TRIM49: variants seen among roughly 807,000 people sequenced by gnomAD.
TRIM49 encodes tripartite motif-containing protein 49.
TRIM49 carries 5 observed loss-of-function variants against 27.4 expected under a neutral mutation model. The observed-to-expected ratio is 0.18, with a 90% CI of 0.10 to 0.38. The LOEUF is 0.38. Among genes scored for constraint, TRIM49 ranks in the 10% least tolerant of loss-of-function variants. TRIM49 has a pLI of 1.00. For missense variants in TRIM49, 188 were observed against 487.5 expected, an observed-to-expected ratio of 0.39 and a Z score of 5.79; for synonymous variants, 69 against 166.0, an observed-to-expected ratio of 0.42 and a Z score of 4.49.
chr11:89,803,731 C>G lies in TRIM49; in HGVS notation c.474G>C (p.Leu158=). Residue 158 remains leucine, a synonymous_variant, in exon 4 of 8, where the codon CTG becomes CTC. Coordinates refer to ENST00000329758, the MANE Select transcript of TRIM49 (RefSeq NM_020358.2). ...ATCTGGTTCTGGTGGTTTCCACATTCAGGTTTCTGTGATTTTCACAAGCTT... is the reference window on the plus strand; with the variant it reads ...ATCTGGTTCTGGTGGTTTCCACATTGAGGTTTCTGTGATTTTCACAAGCTT... ...WEKACENHRN[L]NVETTRTRCW... is the part of the protein sequence containing the mutation. 1 of 1,407,056 alleles carries G rather than the reference C, an allele frequency of 7.1e-7. No homozygotes were observed. Among genetic ancestry groups the G allele is most frequent in the South Asian group, 1.4e-5 (1 of 72,884 alleles). The allele number at this position is 1,407,056 out of a possible 1,614,324, so 87.2% of individuals were successfully genotyped here. A position where few individuals can be genotyped will look rare whatever the true frequency, so the allele number is the denominator to read the frequency against.
chr11:89,802,345 A>T (rs1238291644), intron 4 of TRIM49, among the ~76,000 whole-genome samples: 1 of 150,562 alleles, frequency 6.6e-6, no homozygotes, highest in Admixed American at 6.6e-5. Flanking sequence ...TTAGACTAGC[A>T]TGTCCAGCTA....
chr11:89,803,935 A>G, intron 3 of TRIM49, 124 bp downstream of exon 3: 1 of 1,562,564 alleles, frequency 6.4e-7, no homozygotes. Flanking sequence ...GTTGGAAGCT[A>G]AGAAAGCCCA....
downstream of TRIM49, among the ~76,000 whole-genome samples, chr11:89,795,799 T>C (rs1949683645): frequency 6.7e-6 from 1 of 149,714 alleles, no homozygotes; most frequent in South Asian, 2.1e-4. Context: ...GAGGAGTTAA[T>C]GGGTGCAGCA....
At chr11:89,782,032 C>T in the TRIM49 span, 60 of 1,524,892 alleles carry the variant, frequency 3.9e-5, 7 homozygotes, top group African/African-American at 6.1e-5. Flanking sequence ...CACAAGCATT[C>T]ACCTCCGGCA....
chr11:89,774,636 C>G, the TRIM49 span, among the ~76,000 whole-genome samples: 1 of 140,092 alleles, frequency 7.1e-6, no homozygotes, highest in Non-Finnish European at 1.5e-5. Context: ...TTCATAGTAG[C>G]CTTGTGAGTA....
At position 89,803,928 on chromosome 11, in the gene TRIM49, G is replaced by T. The variant is rs1949761274; in HGVS notation, c.411+131C>A. The T allele has an allele frequency of 2.0e-6, 3 of 1,468,214 alleles. No homozygotes were observed. The Admixed American group carries it at 5.8e-5, about 29-fold the overall frequency. The allele number at this position is 1,468,214 out of a possible 1,614,324, so 90.9% of individuals were successfully genotyped here. On this transcript the variant is annotated intron_variant, in intron 3 of 7. Transcript: ENST00000329758. ...TCATGTTTGTCAAAGCCCAGAGGTT[G>T]GAAGCTAAGAAAGCCCAAACAGAGC...
chr11:89,774,551 T>C, the TRIM49 span, among the ~76,000 whole-genome samples: 1 of 142,028 alleles, frequency 7.0e-6, no homozygotes, highest in East Asian at 2.0e-4. Context: ...CCCACTGGAT[T>C]TGTGACTGCT....
In TRIM49 at chr11:89,804,084, A is replaced by G. The variant is rs770697535; in HGVS notation, c.386T>C (p.Ile129Thr). The G allele has an allele frequency of 3.5e-5, 57 of 1,608,022 alleles. No homozygotes were observed. In the Middle Eastern group the frequency reaches 9.0e-4, roughly 25 times the overall value. The change falls in exon 3 of 8, where the codon ATT (isoleucine) becomes ACT (threonine). Residue 129 changes from isoleucine (I) to threonine (T), a missense_variant. Ile to Thr is a moderately conservative substitution (Grantham distance 89). Coordinates refer to ENST00000329758, the MANE Select transcript of TRIM49 (RefSeq NM_020358.2). The part of the protein sequence containing the change: ...QEHRYHRHRP[I>T]EWAAEEHREK... The stretch of plus-strand genomic sequence containing the variant: ...CCGGTGTTCCTCAGCAGCCCACTCA[A>G]TGGGACGGTGTCTGTGATACCGGTG...
At chr11:89,796,924 A>T (rs1333921403), downstream of TRIM49, among the ~76,000 whole-genome samples, 1 of 150,172 alleles carries the variant, frequency 6.7e-6, no homozygotes, top group Non-Finnish European at 1.5e-5. Flanking sequence ...ACTATATTTT[A>T]GAATTAGAAT....
Position 89,798,699 on chromosome 11 carries a change from A to G in TRIM49, c.860-70T>C, listed in dbSNP as rs1459449751. Reference sequence around the variant, plus strand: ...TAAGAAAAAAATAATTGTTCTATCAAGAAGTTACTTTACCAGCAAATGTAA... The same window carrying G: ...TAAGAAAAAAATAATTGTTCTATCAGGAAGTTACTTTACCAGCAAATGTAA... On this transcript the variant is annotated intron_variant, in intron 7 of 7. Coordinates refer to ENST00000329758, the MANE Select transcript of TRIM49 (RefSeq NM_020358.2). 2.9e-6 allele frequency: 4 copies of G among 1,393,770 alleles called. No individual in the cohort carries two copies. The East Asian group carries it at 1.1e-4, about 39-fold the overall frequency. 86.3% of individuals were successfully genotyped at this position (1,393,770 alleles called of 1,614,324 possible).
chr11:89,772,245 T>C, the TRIM49 span, among the ~76,000 whole-genome samples: 2 of 137,862 alleles, frequency 1.5e-5, 1 homozygote, highest in Non-Finnish European at 3.0e-5. Flanking sequence ...AAATACTGTA[T>C]ACACATAACA....
chr11:89,782,776 A>C, the TRIM49 span, among the ~76,000 whole-genome samples: 2 of 125,392 alleles, frequency 1.6e-5, no homozygotes, highest in Admixed American at 1.6e-4. Context: ...TTCTGCATTC[A>C]CCCTCCCCCA....
At chr11:89,786,324 T>A in the TRIM49 span, 1 of 143,484 alleles carries the variant, frequency 7.0e-6, no homozygotes, top group Non-Finnish European at 1.5e-5. Flanking sequence ...GTGGTGGCCT[T>A]AGCTGAGTAC....
chr11:89,803,873 C>T, intron 3 of TRIM49, 80 bp from the exon 4 acceptor site: 1 of 759,910 alleles, frequency 1.3e-6, no homozygotes, highest in South Asian at 1.9e-5. Context: ...CAAATAAGCC[C>T]CTAGTAAATG....
chr11:89,776,837 G>A, the TRIM49 span: 1 of 684,946 alleles, frequency 1.5e-6, no homozygotes, highest in East Asian at 2.8e-5. Flanking sequence ...GTCTCAGTTT[G>A]TACTGGAGCT....
At chr11:89,800,176 T>C (rs1338985881) in intron 6 of TRIM49, among the ~76,000 whole-genome samples, 2 of 151,492 alleles carry the variant, frequency 1.3e-5, no homozygotes, top group Non-Finnish European at 2.9e-5. Context: ...ATGCATCCAC[T>C]GCTTCCTTCT....
the TRIM49 span, among the ~76,000 whole-genome samples, chr11:89,769,895 G>T: frequency 8.8e-6 from 1 of 113,316 alleles, no homozygotes; most frequent in Non-Finnish European, 1.7e-5. Flanking sequence ...TCACAGGGCT[G>T]GATATGGGTA....
downstream of TRIM49, among the ~76,000 whole-genome samples, chr11:89,793,220 C>G (rs1189048767): frequency 6.6e-6 from 1 of 152,094 alleles, no homozygotes; most frequent in African/African-American, 2.4e-5. Flanking sequence ...ATAACAGGCT[C>G]TGAAATTAAG....
the TRIM49 span, among the ~76,000 whole-genome samples, chr11:89,773,676 C>T: frequency 1.2e-3 from 166 of 136,324 alleles, 1 homozygote; most frequent in Non-Finnish European, 2.2e-3. Flanking sequence ...CAGTGGCTCA[C>T]GCTTGTAATC....
Sources: gnomAD v4.1 joint callset for allele counts (sites outside exome capture counted in the v4.1 genomes callset) on GRCh38, gnomAD v4.1.1 for gene constraint, MANE v1.5 for transcripts, NCBI Gene and HGNC (gene_info 2026-07-23, HGNC 2026-07-21) for gene names.